KCNH1: variants seen among roughly 807,000 people sequenced by gnomAD.
KCNH1 encodes potassium voltage-gated channel subfamily H member 1.
A neutral mutation model predicts 69.2 loss-of-function variants in KCNH1; 27 were observed. The observed-to-expected ratio is 0.39, with a 90% CI of 0.29 to 0.54. KCNH1 has a LOEUF of 0.54. Among genes scored for constraint, KCNH1 ranks in the 20% least tolerant of loss-of-function variants. The pLI, the probability that KCNH1 is intolerant of heterozygous loss-of-function variation, is 0.68. For missense variants in KCNH1, 798 were observed against 1,261.6 expected, an observed-to-expected ratio of 0.63 and a Z score of 5.57; for synonymous variants, 456 against 487.7, an observed-to-expected ratio of 0.93 and a Z score of 0.86.
chr1:210,741,854 G>A (rs960896987), intron 10 of KCNH1, among the ~76,000 whole-genome samples: 1 of 152,132 alleles, frequency 6.6e-6, no homozygotes, highest in Non-Finnish European at 1.5e-5. Flanking sequence ...ATCAGTGTGG[G>A]GATATTCTAA....
chr1:210,998,874 A>G (rs1689108468), intron 6 of KCNH1, among the ~76,000 whole-genome samples: 1 of 152,152 alleles, frequency 6.6e-6, no homozygotes, highest in African/African-American at 2.4e-5. Flanking sequence ...AAAACCGCTC[A>G]AACTACATGG....
At chr1:210,836,142 T>C (rs1217490994) in intron 7 of KCNH1, among the ~76,000 whole-genome samples, 1 of 149,512 alleles carries the variant, frequency 6.7e-6, no homozygotes, top group African/African-American at 2.5e-5. Context: ...AATTTCTATA[T>C]TGGGCTTCAT....
chr1:210,961,754 C>T (rs901895900), intron 6 of KCNH1, among the ~76,000 whole-genome samples: 8 of 151,676 alleles, frequency 5.3e-5, no homozygotes, highest in South Asian at 4.2e-4. Flanking sequence ...GCAGGTGAAT[C>T]GCTTGAACCT....
chr1:210,761,249 CAAAAA>C (rs58988658), intron 10 of KCNH1, among the ~76,000 whole-genome samples: 16 of 37,108 alleles, frequency 4.3e-4, no homozygotes, highest in East Asian at 9.2e-4. Context: ...GAGACTCCGT[CAAAAA>C]AAAAAAAAAA....
At chr1:211,129,320 C>T (rs1245672069) in intron 1 of KCNH1, among the ~76,000 whole-genome samples, 2 of 152,132 alleles carry the variant, frequency 1.3e-5, no homozygotes, top group Non-Finnish European at 2.9e-5. Flanking sequence ...GGAACCACTC[C>T]CAAATGAGGT....
chr1:210,845,143 T>A (rs543672781), intron 7 of KCNH1, among the ~76,000 whole-genome samples: 8 of 152,018 alleles, frequency 5.3e-5, no homozygotes, highest in Non-Finnish European at 1.0e-4. Flanking sequence ...GAATTCTACC[T>A]GAGGTACAAA....
intron 5 of KCNH1, among the ~76,000 whole-genome samples, chr1:211,080,245 G>A (rs1690826277): frequency 6.6e-6 from 1 of 152,132 alleles, no homozygotes; most frequent in Admixed American, 6.5e-5. Flanking sequence ...AAAATACCTA[G>A]GAATACAACT....
rs945961961 is a variant in KCNH1 at position 211,133,511 on chromosome 1, G to A, written c.79+356C>T. 1.2e-5 allele frequency: 2 copies of A among 167,124 alleles called. No individual in the cohort carries two copies. The highest frequency in any genetic ancestry group is 2.6e-5 in the Non-Finnish European group (2 of 78,092). 10.4% of individuals were successfully genotyped at this position (167,124 alleles called of 1,614,324 possible). A position where few individuals can be genotyped will look rare whatever the true frequency, so the allele number is the denominator to read the frequency against. On this transcript the variant is annotated intron_variant, in intron 1 of 10. Transcript: ENST00000271751. This position sits in a 1 kb window ranked among gnomAD's most constrained non-coding sequence, Gnocchi z 5.4. ...GCCCCAGAGCCTTCGCGGAAGGGTG[G>A]GCAGTGCCGATGGGGCGCGCGCTGC...
At chr1:210,982,004 C>A (rs1268140979) in intron 6 of KCNH1, among the ~76,000 whole-genome samples, 1 of 152,020 alleles carries the variant, frequency 6.6e-6, no homozygotes, top group African/African-American at 2.4e-5. Context: ...TCTTAATCCT[C>A]CCCCTCCCAA....
chr1:210,933,153 C>A (rs1279267635), intron 6 of KCNH1, among the ~76,000 whole-genome samples: 1 of 152,176 alleles, frequency 6.6e-6, no homozygotes, highest in Non-Finnish European at 1.5e-5. Flanking sequence ...GAAAATGTGG[C>A]ACATATACAC....
chr1:211,097,516 A>G (rs557469532), intron 3 of KCNH1, among the ~76,000 whole-genome samples: 4 of 152,258 alleles, frequency 2.6e-5, no homozygotes, highest in Non-Finnish European at 5.9e-5. Flanking sequence ...ATGATTTACA[A>G]TCAATATTCA....
intron 9 of KCNH1, among the ~76,000 whole-genome samples, chr1:210,792,095 C>G (rs1684222806): frequency 6.6e-6 from 1 of 152,116 alleles, no homozygotes; most frequent in African/African-American, 2.4e-5. Context: ...ACTTCCTCCT[C>G]CTCTGGCCCT....
At chr1:210,765,637 C>T (rs1683614293) in intron 10 of KCNH1, among the ~76,000 whole-genome samples, 1 of 152,082 alleles carries the variant, frequency 6.6e-6, no homozygotes, top group Admixed American at 6.5e-5. Flanking sequence ...GCTGAGAGAC[C>T]TCTACAATCA....
intron 8 of KCNH1, among the ~76,000 whole-genome samples, chr1:210,798,227 G>C (rs1295854679): frequency 6.6e-6 from 1 of 152,026 alleles, no homozygotes; most frequent in Non-Finnish European, 1.5e-5. Flanking sequence ...TTTTAGTAGA[G>C]AAGGGGTTTC....
intron 6 of KCNH1, among the ~76,000 whole-genome samples, chr1:210,973,086 C>T (rs1463029182): frequency 6.6e-6 from 1 of 152,098 alleles, no homozygotes; most frequent in Non-Finnish European, 1.5e-5. Context: ...GTAGCACCCA[C>T]ATGCATATGA....
chr1:210,709,189 T>C (rs1408606975), intron 10 of KCNH1, among the ~76,000 whole-genome samples: 2 of 152,142 alleles, frequency 1.3e-5, no homozygotes, highest in Non-Finnish European at 2.9e-5. Flanking sequence ...GCAGAGGTTG[T>C]AGTGAGCTGA....
intron 10 of KCNH1, among the ~76,000 whole-genome samples, chr1:210,763,194 C>A (rs1463807184): frequency 6.6e-6 from 1 of 152,054 alleles, no homozygotes; most frequent in East Asian, 1.9e-4. Flanking sequence ...TGAAAACCCT[C>A]AAAAAACTGG....
chr1:210,963,608 GA>G (rs2102359098), intron 6 of KCNH1, among the ~76,000 whole-genome samples: 1 of 152,066 alleles, frequency 6.6e-6, no homozygotes, highest in East Asian at 1.9e-4. Flanking sequence ...TGACCTGATG[GA>G]ACTGAAAAAC....
At chr1:210,973,218 G>A (rs1222529909) in intron 6 of KCNH1, among the ~76,000 whole-genome samples, 3 of 152,056 alleles carry the variant, frequency 2.0e-5, no homozygotes, top group Non-Finnish European at 2.9e-5. Flanking sequence ...ATATCCCAAA[G>A]TGAAATAACA....
Sources: allele counts gnomAD v4.1 joint callset (sites outside exome capture counted in the v4.1 genomes callset), GRCh38; gene constraint gnomAD v4.1.1; non-coding constraint Gnocchi (gnomAD v3.1); transcripts MANE v1.5; gene names NCBI Gene and HGNC (gene_info 2026-07-23, HGNC 2026-07-21).